The following DCDC1 variants were observed in gnomAD, a reference collection of about 807,000 sequenced individuals.
The protein encoded by DCDC1 is doublecortin domain containing 1, also known as doublecortin domain-containing protein 1.
Under a neutral mutation model 178.3 loss-of-function variants are expected in DCDC1, and 200 were observed. The observed-to-expected ratio is 1.12, with a 90% CI of 1.00 to 1.26. The LOEUF is 1.26. Among genes scored for constraint, DCDC1 ranks in the 50% most tolerant of loss-of-function variants. DCDC1 has a pLI of 0.00. For missense variants in DCDC1, 1,983 were observed against 1,749.2 expected (o/e 1.13, Z -2.38); for synonymous variants, 690 against 604.8 (o/e 1.14, Z -2.07).
chr11:31,058,074 T>C (rs1488549017), intron 20 of DCDC1, among the ~76,000 whole-genome samples: 1 of 152,092 alleles, frequency 6.6e-6, no homozygotes, highest in Non-Finnish European at 1.5e-5. Context: ...ACATAGAACA[T>C]GCTCAATAAA....
intron 38 of DCDC1, among the ~76,000 whole-genome samples, chr11:30,866,517 T>C (rs1229632908): frequency 6.6e-6 from 1 of 152,152 alleles, no homozygotes; most frequent in African/African-American, 2.4e-5. Flanking sequence ...TCCCAGCTCT[T>C]ACTACTATTA....
chr11:31,020,078 G>T, intron 20 of DCDC1, among the ~76,000 whole-genome samples: 1 of 152,174 alleles, frequency 6.6e-6, no homozygotes, highest in African/African-American at 2.4e-5. Flanking sequence ...CAAATTATGT[G>T]AGGATGTGGA....
intron 8 of DCDC1, among the ~76,000 whole-genome samples, chr11:31,255,736 A>G (rs1260873370): frequency 6.6e-6 from 1 of 152,026 alleles, no homozygotes; most frequent in Non-Finnish European, 1.5e-5. Flanking sequence ...CCCTTTTCAG[A>G]TAGATAATTT....
intron 20 of DCDC1, among the ~76,000 whole-genome samples, chr11:31,036,623 C>T (rs533969273): frequency 6.6e-6 from 1 of 152,198 alleles, no homozygotes; most frequent in Admixed American, 6.5e-5. Context: ...GTGCACTTGT[C>T]CCTTGGTATT....
chr11:31,177,365 A>G (rs1488387835), intron 9 of DCDC1, among the ~76,000 whole-genome samples: 1 of 152,104 alleles, frequency 6.6e-6, no homozygotes, highest in Non-Finnish European at 1.5e-5. Context: ...CAGAGGTAAA[A>G]AAACAAAAAT....
intron 36 of DCDC1, among the ~76,000 whole-genome samples, chr11:30,888,074 G>A (rs1266845828): frequency 6.7e-5 from 7 of 103,770 alleles, no homozygotes; most frequent in South Asian, 7.4e-4. Flanking sequence ...GAGAGAGAGA[G>A]AGAGAGAGAG....
chr11:31,151,696 G>T (rs4369378), intron 9 of DCDC1, among the ~76,000 whole-genome samples: 13,869 of 152,176 alleles, frequency 0.091, 1,739 homozygotes, highest in African/African-American at 0.28. Flanking sequence ...TGTAAAGTAC[G>T]TGAATGTTAT....
chr11:30,939,751 T>C (rs1947511009), intron 21 of DCDC1, among the ~76,000 whole-genome samples: 1 of 152,318 alleles, frequency 6.6e-6, no homozygotes, highest in South Asian at 2.1e-4. Context: ...GTTTGTTACA[T>C]TTGCAGGCTG....
At chr11:31,310,436 A>G (rs1948706683) in intron 3 of DCDC1, among the ~76,000 whole-genome samples, 1 of 146,546 alleles carries the variant, frequency 6.8e-6, no homozygotes, top group Non-Finnish European at 1.5e-5. Context: ...CTTCTGCCTC[A>G]GCTTCCTGAG....
Position 30,931,910 on chromosome 11 carries a change from G to A in DCDC1, c.2758C>T (p.Pro920Ser), listed in dbSNP as rs543287068. The A allele has an allele frequency of 1.2e-5, 20 of 1,612,800 alleles. 3 individuals are homozygous for A. The South Asian group carries it at 2.1e-4, about 17-fold the overall frequency. Residue 920 changes from proline (P) to serine (S), a missense_variant, in exon 22 of 39, where the codon CCT becomes TCT. Pro to Ser is a moderately conservative substitution (Grantham distance 74). Coordinates refer to ENST00000684477, the MANE Select transcript of DCDC1 (RefSeq NM_001387274.1). ...TTACAGATGGGTTTCTTCATGGGAG[G>A]ACTGCTCGGAACAAGCAGTCCTTGT... is the stretch of plus-strand genomic sequence containing the variant. ...PIQGLLVPSS[P>S]PMKKPICKTT...
At chr11:30,937,095 C>T (rs188190325) in intron 21 of DCDC1, among the ~76,000 whole-genome samples, 21 of 152,110 alleles carry the variant, frequency 1.4e-4, no homozygotes, top group African/African-American at 3.9e-4. Context: ...CTAAACCCAA[C>T]CTCACAACTA....
chr11:30,944,818 G>C (rs1414016582), intron 21 of DCDC1, among the ~76,000 whole-genome samples: 1 of 152,110 alleles, frequency 6.6e-6, no homozygotes, highest in Non-Finnish European at 1.5e-5. Flanking sequence ...GTAAGGGACA[G>C]ATTTTTGTTG....
intron 9 of DCDC1, among the ~76,000 whole-genome samples, chr11:31,173,395 G>T (rs1967515453): frequency 6.6e-6 from 1 of 152,100 alleles, no homozygotes; most frequent in Admixed American, 6.5e-5. Context: ...AATGAAAGCA[G>T]ATTTTTTTTC....
intron 9 of DCDC1, among the ~76,000 whole-genome samples, chr11:31,214,616 G>A (rs1044990650): frequency 1.3e-5 from 2 of 152,008 alleles, no homozygotes; most frequent in African/African-American, 4.8e-5. Context: ...TGATGAACAA[G>A]TACAAAATAA....
intron 7 of DCDC1, among the ~76,000 whole-genome samples, chr11:31,272,821 G>A (rs887937712): frequency 4.6e-5 from 7 of 152,224 alleles, no homozygotes; most frequent in Non-Finnish European, 1.0e-4. Flanking sequence ...CAGATGCATG[G>A]TGCAAGTTGT....
At chr11:31,017,205 G>A (rs75742624) in intron 20 of DCDC1, among the ~76,000 whole-genome samples, 1,624 of 152,208 alleles carry the variant, frequency 0.011, 28 homozygotes, top group African/African-American at 0.036. Context: ...ACAAATTTGA[G>A]CTTTGAGGGT....
chr11:30,991,611 A>G (rs960502018), intron 20 of DCDC1, among the ~76,000 whole-genome samples: 1 of 152,170 alleles, frequency 6.6e-6, no homozygotes, highest in Admixed American at 6.6e-5. Flanking sequence ...ACGTAACTAC[A>G]CCAGGTGTAC....
intron 4 of DCDC1, among the ~76,000 whole-genome samples, chr11:31,306,694 T>C (rs1948483378): frequency 6.6e-6 from 1 of 151,812 alleles, no homozygotes; most frequent in South Asian, 2.1e-4. Flanking sequence ...AAAATATATA[T>C]ATATTATATG....
chr11:30,866,810 C>G (rs958305686), intron 38 of DCDC1, among the ~76,000 whole-genome samples: 2 of 152,030 alleles, frequency 1.3e-5, no homozygotes, highest in Non-Finnish European at 2.9e-5. Context: ...TAAACTGACT[C>G]CCCAATGCAA....
Sources: gnomAD v4.1 joint callset for allele counts (sites outside exome capture counted in the v4.1 genomes callset) on GRCh38, gnomAD v4.1.1 for gene constraint, MANE v1.5 for transcripts, NCBI Gene and HGNC (gene_info 2026-07-23, HGNC 2026-07-21) for gene names.